The following PHKB variants were observed in gnomAD, a reference collection of about 807,000 sequenced individuals.
PHKB encodes the protein phosphorylase kinase regulatory subunit beta.
PHKB carries 122 observed loss-of-function variants against 152.1 expected under a neutral mutation model. The ratio of observed to expected loss-of-function variants is 0.80; its 90% confidence interval spans 0.69 to 0.93. PHKB has a LOEUF of 0.93. Ranked by LOEUF, PHKB falls within the 40% of genes least tolerant of loss-of-function variation. The pLI, the probability that PHKB is intolerant of heterozygous loss-of-function variation, is 0.00. For missense variants in PHKB, 1,304 were observed against 1,328.4 expected, an observed-to-expected ratio of 0.98 and a Z score of 0.29; for synonymous variants, 436 against 464.9, an observed-to-expected ratio of 0.94 and a Z score of 0.80.
intron 26 of PHKB, among the ~76,000 whole-genome samples, chr16:47,679,938 G>A (rs370286652): frequency 6.6e-5 from 10 of 152,116 alleles, no homozygotes; most frequent in Admixed American, 2.6e-4. Flanking sequence ...TTTGAGATAC[G>A]TCTCATCAAT....
At chr16:47,489,763 G>A (rs1226151660) in intron 1 of PHKB, among the ~76,000 whole-genome samples, 1 of 152,214 alleles carries the variant, frequency 6.6e-6, no homozygotes, top group Non-Finnish European at 1.5e-5. Flanking sequence ...AGCTATGCAA[G>A]TTGAGCTTGA....
At chr16:47,596,233 C>T in intron 12 of PHKB, 140 bp from the exon 13 acceptor site, 2 of 642,876 alleles carry the variant, frequency 3.1e-6, no homozygotes, top group South Asian at 1.9e-5. Context: ...GTGAGGCCTC[C>T]CCAGCCATGT....
Position 47,490,270 on chromosome 16 carries a change from C to T in PHKB, c.77-7129C>T, listed in dbSNP as rs142483179. On this transcript the variant is annotated intron_variant, in intron 1 of 30. Transcript: ENST00000323584. ...AGTTCTATCACTTACTATAAACCAT[C>T]TTTTGAAAAGAATTAGAAGAAGACA... is the stretch of plus-strand genomic sequence containing the variant. Among the ~76,000 whole-genome samples the T allele has an allele frequency of 7.2e-3, 1,098 of 152,162 alleles. 17 individuals carry two copies. Among genetic ancestry groups the T allele is most frequent in the African/African-American group, 0.025 (1,037 of 41,502 alleles).
At position 47,497,398 on chromosome 16, in the gene PHKB, G is replaced by C. The variant is rs780885921; in HGVS notation, c.77-1G>C. On this transcript the variant is annotated splice_acceptor_variant, in intron 1 of 30. Transcript: ENST00000323584. LOFTEE classifies it high-confidence loss of function. ...TGATGGGTTTTTATTTTTTCTTTTA[G>C]GCTCAGTTTATGAACCTCTTAAAAG... The C allele has an allele frequency of 6.3e-7, 1 of 1,580,690 alleles. No homozygotes were observed. The highest frequency in any genetic ancestry group is 1.1e-5 in the South Asian group (1 of 90,410).
intron 7 of PHKB, among the ~76,000 whole-genome samples, chr16:47,568,524 C>T (rs1400291273): frequency 6.6e-6 from 1 of 152,106 alleles, no homozygotes; most frequent in Non-Finnish European, 1.5e-5. Flanking sequence ...GTTTCAATTT[C>T]ATTTAGTTCT....
chr16:47,696,352 G>A, intron 28 of PHKB, 29 bp from the exon 29 acceptor site: 1 of 1,035,398 alleles, frequency 9.7e-7, no homozygotes, highest in East Asian at 2.4e-5. Context: ...TAACGGTTCA[G>A]CATGTTAATG....
chr16:47,525,266 T>G (rs1970747042), intron 6 of PHKB, among the ~76,000 whole-genome samples: 1 of 152,186 alleles, frequency 6.6e-6, no homozygotes, highest in Admixed American at 6.5e-5. Flanking sequence ...GATTTATTCT[T>G]TGATTTTAAT....
chr16:47,565,711 G>A lies in PHKB; in HGVS notation c.711-14584G>A, dbSNP rs548146437. 471 of 1,469,530 alleles carry A rather than the reference G, an allele frequency of 3.2e-4. No individual in the cohort carries two copies. The African/African-American group carries it at 3.5e-3, about 11-fold the overall frequency. 91.0% of individuals were successfully genotyped at this position (1,469,530 alleles called of 1,614,324 possible). On this transcript the variant is annotated intron_variant, in intron 7 of 30. Coordinates refer to ENST00000323584, the MANE Select transcript of PHKB (RefSeq NM_000293.3). ...CTTTGCCAGTTTGGGTGTCTCTCCCGAGGCCATCGTTCTAGTTTTGGCTCA... is the reference window on the plus strand; with the variant it reads ...CTTTGCCAGTTTGGGTGTCTCTCCCAAGGCCATCGTTCTAGTTTTGGCTCA...
intron 13 of PHKB, among the ~76,000 whole-genome samples, chr16:47,607,857 C>T (rs1972354757): frequency 1.3e-5 from 2 of 152,000 alleles, no homozygotes. Flanking sequence ...TACCTATTTT[C>T]TTTTTTTAAT....
At chr16:47,681,200 A>G (rs572807518) in intron 26 of PHKB, among the ~76,000 whole-genome samples, 2 of 152,132 alleles carry the variant, frequency 1.3e-5, no homozygotes, top group South Asian at 4.1e-4. Context: ...CTATGTAGTC[A>G]GTTTTGGAAT....
intron 1 of PHKB, among the ~76,000 whole-genome samples, chr16:47,490,904 C>T (rs1032086234): frequency 2.0e-5 from 3 of 152,196 alleles, no homozygotes; most frequent in Non-Finnish European, 2.9e-5. Context: ...ATCATTTCCA[C>T]GATCCTTCTG....
In PHKB at chr16:47,511,789, C is replaced by T; in HGVS notation, c.513+17C>T. On this transcript the variant is annotated intron_variant, in intron 5 of 30. Coordinates refer to ENST00000323584, the MANE Select transcript of PHKB (RefSeq NM_000293.3). ...CATCTTCAGGTAAAAAGAGATTATA[C>T]ATTTTATTCTCCTTATATTATATAG... 1 of 1,388,628 alleles carries T rather than the reference C, an allele frequency of 7.2e-7. No homozygotes were observed. The highest frequency in any genetic ancestry group is 1.2e-5 in the South Asian group (1 of 86,654). 86.0% of individuals were successfully genotyped at this position (1,388,628 alleles called of 1,614,324 possible). A position where few individuals can be genotyped will look rare whatever the true frequency, so the allele number is the denominator to read the frequency against.
At chr16:47,525,798 A>G (rs1970755882) in intron 6 of PHKB, among the ~76,000 whole-genome samples, 1 of 152,212 alleles carries the variant, frequency 6.6e-6, no homozygotes, top group Non-Finnish European at 1.5e-5. Flanking sequence ...GCCCCCATGT[A>G]GGGCTACACA....
At chr16:47,523,385 G>A (rs1286911458) in intron 6 of PHKB, among the ~76,000 whole-genome samples, 1 of 152,166 alleles carries the variant, frequency 6.6e-6, no homozygotes, top group African/African-American at 2.4e-5. Flanking sequence ...GGCCATTGAG[G>A]TCTTTGCTGA....
At chr16:47,546,623 A>C (rs1009119251) in intron 6 of PHKB, among the ~76,000 whole-genome samples, 6 of 152,178 alleles carry the variant, frequency 3.9e-5, no homozygotes, top group Non-Finnish European at 8.8e-5. Flanking sequence ...TGCTGGGAGA[A>C]CCACTGCCCT....
intron 7 of PHKB, among the ~76,000 whole-genome samples, chr16:47,576,014 T>A (rs1400639302): frequency 6.6e-6 from 1 of 152,026 alleles, no homozygotes; most frequent in Non-Finnish European, 1.5e-5. Flanking sequence ...AGGCGGAGGT[T>A]GTGGTGAGCC....
chr16:47,625,433 G>C (rs1432451258), intron 14 of PHKB, among the ~76,000 whole-genome samples: 4 of 152,154 alleles, frequency 2.6e-5, no homozygotes, highest in African/African-American at 9.7e-5. Flanking sequence ...GGCCTTAGCT[G>C]TCTCCACCCT....
chr16:47,514,993 A>G (rs910271723), intron 5 of PHKB, among the ~76,000 whole-genome samples: 2 of 152,174 alleles, frequency 1.3e-5, no homozygotes, highest in Non-Finnish European at 2.9e-5. Flanking sequence ...GTATTTGTTG[A>G]ATATGAGACT....
chr16:47,616,473 T>C (rs1225655041), intron 14 of PHKB, among the ~76,000 whole-genome samples: 1 of 146,492 alleles, frequency 6.8e-6, no homozygotes, highest in Non-Finnish European at 1.5e-5. Flanking sequence ...TGATATATAA[T>C]ATATCAATTA....
Sources: allele counts gnomAD v4.1 joint callset (sites outside exome capture counted in the v4.1 genomes callset), GRCh38; gene constraint gnomAD v4.1.1; transcripts MANE v1.5; gene names NCBI Gene and HGNC (gene_info 2026-07-23, HGNC 2026-07-21).